Variants in BCHE observed in about 807,000 individuals in gnomAD.
BCHE encodes cholinesterase.
BCHE carries 48 observed loss-of-function variants against 51.3 expected under a neutral mutation model. That is an observed-to-expected ratio of 0.94 (90% CI 0.74 to 1.19). The LOEUF (loss-of-function observed/expected upper bound fraction) is 1.19. Among genes scored for constraint, BCHE ranks in the 50% most tolerant of loss-of-function variants. The probability of loss-of-function intolerance (pLI) is 0.00; values close to 1 mark genes in which losing one functional copy is unlikely to be tolerated. For missense variants in BCHE, 847 were observed against 708.2 expected (o/e 1.20, Z -2.23); for synonymous variants, 251 against 238.0 (o/e 1.05, Z -0.50).
At chr3:165,791,933 C>T (rs374839081) in intron 2 of BCHE, among the ~76,000 whole-genome samples, 2 of 122,112 alleles carry the variant, frequency 1.6e-5, no homozygotes, top group South Asian at 2.3e-4. Context: ...GGTGACGGAG[C>T]GAGGCTCCAT....
At chr3:165,797,522 A>G (rs1713464827) in intron 2 of BCHE, among the ~76,000 whole-genome samples, 1 of 151,686 alleles carries the variant, frequency 6.6e-6, no homozygotes, top group Admixed American at 6.6e-5. Context: ...GAATGCGATC[A>G]TACGAATCCC....
chr3:165,819,445 T>C (rs1200009018), intron 2 of BCHE, among the ~76,000 whole-genome samples: 7 of 152,070 alleles, frequency 4.6e-5, no homozygotes, highest in Non-Finnish European at 1.0e-4. Context: ...AAATAAATAG[T>C]ATTACATCTC....
At chr3:165,822,743 T>C (rs1714576936) in intron 2 of BCHE, among the ~76,000 whole-genome samples, 1 of 152,062 alleles carries the variant, frequency 6.6e-6, no homozygotes, top group African/African-American at 2.4e-5. Context: ...TGGAGGGGTT[T>C]TGAAATAATG....
At chr3:165,820,521 C>T (rs1714476464) in intron 2 of BCHE, among the ~76,000 whole-genome samples, 1 of 151,822 alleles carries the variant, frequency 6.6e-6, no homozygotes, top group Admixed American at 6.6e-5. Context: ...GTTATGATAA[C>T]AATAAAATAA....
At chr3:165,775,748 A>G (rs919795017) in intron 3 of BCHE, among the ~76,000 whole-genome samples, 2 of 151,968 alleles carry the variant, frequency 1.3e-5, no homozygotes, top group African/African-American at 4.8e-5. Flanking sequence ...CAAATGCTCT[A>G]TAAATCTAAA....
intron 2 of BCHE, among the ~76,000 whole-genome samples, chr3:165,795,416 A>C (rs146720970): frequency 1.7e-3 from 263 of 152,282 alleles, no homozygotes; most frequent in African/African-American, 6.2e-3. Context: ...TTTCTGGAAG[A>C]TGTAATAAAG....
intron 1 of BCHE, among the ~76,000 whole-genome samples, chr3:165,832,269 A>G (rs1363540366): frequency 6.6e-6 from 1 of 152,172 alleles, no homozygotes; most frequent in East Asian, 1.9e-4. Flanking sequence ...AGGGACAGCA[A>G]AATGTGATGC....
intron 2 of BCHE, among the ~76,000 whole-genome samples, chr3:165,817,593 T>C (rs1467720127): frequency 2.0e-5 from 3 of 152,074 alleles, no homozygotes; most frequent in Non-Finnish European, 4.4e-5. Flanking sequence ...TTCTCTCTTC[T>C]GGGAAAATTT....
intron 2 of BCHE, among the ~76,000 whole-genome samples, chr3:165,791,822 C>A (rs1006213349): frequency 6.6e-6 from 1 of 152,076 alleles, no homozygotes; most frequent in African/African-American, 2.4e-5. Flanking sequence ...TATGATCATG[C>A]CTGTGATCCC....
intron 2 of BCHE, among the ~76,000 whole-genome samples, chr3:165,806,172 C>T (rs180745548): frequency 3.3e-5 from 5 of 152,174 alleles, no homozygotes; most frequent in East Asian, 3.9e-4. Flanking sequence ...GCTCTTGGCA[C>T]GTAATCTAAA....
chr3:165,778,308 G>A (rs1176582338), intron 3 of BCHE: 1 of 153,438 alleles, frequency 6.5e-6, no homozygotes, highest in Non-Finnish European at 1.5e-5. Flanking sequence ...GCAGCTATTT[G>A]GAAGAAAGAC....
chr3:165,785,762 G>T (rs1341314163), intron 3 of BCHE, among the ~76,000 whole-genome samples: 1 of 151,106 alleles, frequency 6.6e-6, no homozygotes, highest in South Asian at 2.1e-4. Flanking sequence ...ACCAATTTAT[G>T]CATCTTATTT....
At chr3:165,818,276 C>A (rs1304645931) in intron 2 of BCHE, among the ~76,000 whole-genome samples, 3 of 151,498 alleles carry the variant, frequency 2.0e-5, no homozygotes, top group Non-Finnish European at 2.9e-5. Context: ...TATAAAATGT[C>A]ATTTTGGATA....
rs1021541736 is a variant in BCHE, at chr3:165,837,334, T to A, written c.-29A>T. On this transcript the variant is annotated 5_prime_UTR_variant, in exon 1 of 4. Coordinates refer to ENST00000264381, the MANE Select transcript of BCHE (RefSeq NM_000055.4). ...CTTACCCGATTCTCTGCAACAAAGATGGCAAAGTTTGCAAGGAGTGAAAAT... is the reference window on the plus strand; with the variant it reads ...CTTACCCGATTCTCTGCAACAAAGAAGGCAAAGTTTGCAAGGAGTGAAAAT... 3 of 1,289,584 alleles carry A rather than the reference T, an allele frequency of 2.3e-6. No individual in the cohort carries two copies. The allele number at this position is 1,289,584 out of a possible 1,614,324, so 79.9% of individuals were successfully genotyped here.
intron 3 of BCHE, among the ~76,000 whole-genome samples, chr3:165,785,827 A>C (rs1227557275): frequency 6.6e-6 from 1 of 151,710 alleles, no homozygotes; most frequent in Non-Finnish European, 1.5e-5. Flanking sequence ...TCCATTAATT[A>C]ATTCCACAAA....
chr3:165,799,943 A>C (rs969593406), intron 2 of BCHE, among the ~76,000 whole-genome samples: 7 of 152,050 alleles, frequency 4.6e-5, no homozygotes, highest in African/African-American at 1.7e-4. Context: ...GTAAGTTAAA[A>C]ATATCCCATC....
At chr3:165,814,725 C>A (rs1026597236) in intron 2 of BCHE, among the ~76,000 whole-genome samples, 11 of 151,908 alleles carry the variant, frequency 7.2e-5, no homozygotes, top group Non-Finnish European at 1.6e-4. Flanking sequence ...AAATTTTGTT[C>A]CTTGGGGCTA....
chr3:165,782,621 T>C (rs829500), intron 3 of BCHE, among the ~76,000 whole-genome samples: 99,324 of 152,004 alleles, frequency 0.65, 34,817 homozygotes, highest in East Asian at 0.78. Flanking sequence ...TTTAACAAAG[T>C]CTAAGGAATT....
intron 2 of BCHE, among the ~76,000 whole-genome samples, chr3:165,824,848 T>G (rs1392898737): frequency 2.0e-5 from 3 of 151,814 alleles, no homozygotes; most frequent in African/African-American, 7.3e-5. Context: ...AATAACAAAA[T>G]AAAAGGAAAG....
Sources: allele counts gnomAD v4.1 joint callset (sites outside exome capture counted in the v4.1 genomes callset), GRCh38; gene constraint gnomAD v4.1.1; transcripts MANE v1.5; gene names NCBI Gene and HGNC (gene_info 2026-07-23, HGNC 2026-07-21).